Variants in ASIC2 observed in about 807,000 individuals in gnomAD.
ASIC2 encodes the protein acid sensing ion channel subunit 2.
ASIC2 carries 25 observed loss-of-function variants against 57.3 expected under a neutral mutation model. That is an observed-to-expected ratio of 0.44 (90% CI 0.32 to 0.61). The LOEUF (loss-of-function observed/expected upper bound fraction) is 0.61, where lower values mean the gene tolerates loss of function less well. Ranked by LOEUF, ASIC2 falls within the 20% of genes least tolerant of loss-of-function variation. The pLI, the probability that ASIC2 is intolerant of heterozygous loss-of-function variation, is 0.06. For missense variants in ASIC2, 641 were observed against 738.1 expected (o/e 0.87, Z 1.52); for synonymous variants, 319 against 307.5 (o/e 1.04, Z -0.39).
chr17:33,447,611 C>G (rs774859976), intron 1 of ASIC2, among the ~76,000 whole-genome samples: 1 of 152,086 alleles, frequency 6.6e-6, no homozygotes, highest in African/African-American at 2.4e-5. Context: ...GCCTAGAACA[C>G]TGGGTGTGAT....
At chr17:33,702,169 T>C (rs1309496835) in intron 1 of ASIC2, among the ~76,000 whole-genome samples, 1 of 152,216 alleles carries the variant, frequency 6.6e-6, no homozygotes, top group African/African-American at 2.4e-5. Context: ...ATACTCGCTT[T>C]GGTACTTACC....
chr17:33,815,016 G>A (rs756949314), intron 1 of ASIC2, among the ~76,000 whole-genome samples: 1 of 152,200 alleles, frequency 6.6e-6, no homozygotes, highest in African/African-American at 2.4e-5. Flanking sequence ...CTGTGTGTGG[G>A]TATGGGGACC....
chr17:33,511,877 C>T (rs1211626985), intron 1 of ASIC2, among the ~76,000 whole-genome samples: 1 of 152,180 alleles, frequency 6.6e-6, no homozygotes. Flanking sequence ...TGCCACGAAA[C>T]CCACAGTCAC....
intron 1 of ASIC2, among the ~76,000 whole-genome samples, chr17:33,390,664 G>A (rs569827509): frequency 3.3e-5 from 5 of 152,118 alleles, no homozygotes; most frequent in Non-Finnish European, 7.3e-5. Context: ...TCCTCACTCG[G>A]CTGGGAGCCA....
chr17:33,207,682 G>C (rs973279121), intron 1 of ASIC2, among the ~76,000 whole-genome samples: 2 of 152,064 alleles, frequency 1.3e-5, no homozygotes, highest in Admixed American at 6.5e-5. Context: ...TCCAACCATC[G>C]GCACCTGCAT....
In ASIC2 at chr17:33,436,850, C is replaced by CTTTTTTTTTTTTTTTTTTTTTTTTTTTT. The variant is rs1244300127; in HGVS notation, c.556-324784_556-324783insAAAAAAAAAAAAAAAAAAAAAAAAAAAA. ...TGCAATGCCTTAAAACACATTCCAA[C>CTTTTTTTTTTTTTTTTTTTTTTTTTTTT]TTCTTTTTTTTTTTTTTTTTTTTTT... is the stretch of plus-strand genomic sequence containing the variant. On this transcript the variant is annotated intron_variant, in intron 1 of 9. Transcript: ENST00000359872. Among the ~76,000 whole-genome samples, 4 of 76,038 alleles carry CTTTTTTTTTTTTTTTTTTTTTTTTTTTT rather than the reference C, an allele frequency of 5.3e-5. 2 individuals carry two copies. 49.9% of individuals were successfully genotyped at this position (76,038 alleles called of 152,430 possible).
In ASIC2 at chr17:33,852,537, C is replaced by T. The variant is rs149775706; in HGVS notation, c.555+303441G>A. On this transcript the variant is annotated intron_variant, in intron 1 of 9. Coordinates refer to the ASIC2 transcript ENST00000359872. ...CATGATCTTAATCCACATGTAAGTCCCATCTACACTTAATAATTTTGAACT... is the reference window on the plus strand; with the variant it reads ...CATGATCTTAATCCACATGTAAGTCTCATCTACACTTAATAATTTTGAACT... 1.3e-3 allele frequency among the ~76,000 whole-genome samples: 195 copies of T among 151,114 alleles called. 1 individual carries two copies. The highest frequency in any genetic ancestry group is 3.4e-3 in the Middle Eastern group (1 of 294).
chr17:33,482,540 A>G (rs12451410), intron 1 of ASIC2, among the ~76,000 whole-genome samples: 31,029 of 152,026 alleles, frequency 0.2, 3,861 homozygotes, highest in Non-Finnish European at 0.28. Context: ...AAATATGTTC[A>G]CCTTCATTTT....
intron 2 of ASIC2, among the ~76,000 whole-genome samples, chr17:33,094,875 T>C (rs2092172096): frequency 6.6e-6 from 1 of 152,182 alleles, no homozygotes; most frequent in Non-Finnish European, 1.5e-5. Flanking sequence ...AGACCTCTTG[T>C]ACCTGGAGCA....
chr17:34,099,794 G>GA (rs374640746), intron 1 of ASIC2, among the ~76,000 whole-genome samples: 3,430 of 93,196 alleles, frequency 0.037, 113 homozygotes, highest in African/African-American at 0.08. Flanking sequence ...AAGAAAGAAA[G>GA]AAAGAAAGAA....
At chr17:33,299,157 C>T (rs923280959) in intron 1 of ASIC2, among the ~76,000 whole-genome samples, 1 of 152,210 alleles carries the variant, frequency 6.6e-6, no homozygotes, top group African/African-American at 2.4e-5. Flanking sequence ...AAGAACAAAG[C>T]TGGAGGCATC....
At chr17:33,727,487 G>A (rs1035903205) in intron 1 of ASIC2, among the ~76,000 whole-genome samples, 1 of 152,162 alleles carries the variant, frequency 6.6e-6, no homozygotes, top group Non-Finnish European at 1.5e-5. Context: ...GTTGGAGGTG[G>A]GGCCTGGTGA....
At chr17:33,707,298 TC>T (rs1908892286) in intron 1 of ASIC2, among the ~76,000 whole-genome samples, 1 of 152,170 alleles carries the variant, frequency 6.6e-6, no homozygotes, top group South Asian at 2.1e-4. Flanking sequence ...ATTTTCTCAT[TC>T]TAGCTCTTGT....
At chr17:34,148,883 C>T (rs1176902478) in intron 1 of ASIC2, among the ~76,000 whole-genome samples, 1 of 152,084 alleles carries the variant, frequency 6.6e-6, no homozygotes, top group Non-Finnish European at 1.5e-5. Flanking sequence ...ACCCAGGAGA[C>T]TCAAGAAGAG....
chr17:34,101,171 G>A (rs1910850200), intron 1 of ASIC2, among the ~76,000 whole-genome samples: 1 of 152,132 alleles, frequency 6.6e-6, no homozygotes, highest in African/African-American at 2.4e-5. Flanking sequence ...CATGGGCATG[G>A]AGATCTATTC....
intron 1 of ASIC2, among the ~76,000 whole-genome samples, chr17:33,969,957 C>T (rs536134909): frequency 6.6e-6 from 1 of 152,268 alleles, no homozygotes; most frequent in African/African-American, 2.4e-5. Flanking sequence ...AAGGCCCACT[C>T]ATGGTCCAAG....
In ASIC2 at chr17:33,457,017, T is replaced by C. The variant is rs532287815; in HGVS notation, c.556-344950A>G. Among the ~76,000 whole-genome samples, 32 of 152,320 alleles carry C rather than the reference T, an allele frequency of 2.1e-4. No individual in the cohort carries two copies. In the South Asian group the frequency reaches 3.1e-3, roughly 15 times the overall value. On this transcript the variant is annotated intron_variant, in intron 1 of 9. Transcript: ENST00000359872. ...TCCTGGGCTCCCTGCATAGTAGCTG[T>C]AATCCTGCACAAGCTAATTAATTTC...
intron 1 of ASIC2, among the ~76,000 whole-genome samples, chr17:33,375,513 G>T (rs192506723): frequency 1.3e-5 from 2 of 152,282 alleles, no homozygotes; most frequent in East Asian, 3.9e-4. Context: ...CTATTAAAAG[G>T]CAGTGAGCAG....
At chr17:33,371,718 G>C (rs1023245187) in intron 1 of ASIC2, among the ~76,000 whole-genome samples, 4 of 152,096 alleles carry the variant, frequency 2.6e-5, no homozygotes, top group Admixed American at 2.0e-4. Context: ...AACAGGGAGA[G>C]GGTGAAAATA....
Sources: allele counts gnomAD v4.1 joint callset (sites outside exome capture counted in the v4.1 genomes callset), GRCh38; gene constraint gnomAD v4.1.1; transcripts MANE v1.5; gene names NCBI Gene and HGNC (gene_info 2026-07-23, HGNC 2026-07-21).